The following TTLL12 variants were observed in gnomAD, a reference collection of about 807,000 sequenced individuals.
The protein encoded by TTLL12 is tubulin--tyrosine ligase-like protein 12.
TTLL12 carries 77 observed loss-of-function variants against 79.6 expected under a neutral mutation model. That is an observed-to-expected ratio of 0.97 (90% CI 0.81 to 1.17). The LOEUF (loss-of-function observed/expected upper bound fraction) is 1.17. TTLL12 is among the 50% of genes most tolerant of loss of function. The pLI, the probability that TTLL12 is intolerant of heterozygous loss-of-function variation, is 0.00. For synonymous variants in TTLL12, 437 were observed against 376.1 expected, an observed-to-expected ratio of 1.16 and a Z score of -1.87; for missense variants, 969 against 895.9, an observed-to-expected ratio of 1.08 and a Z score of -1.04.
intron 2 of TTLL12, among the ~76,000 whole-genome samples, chr22:43,182,038 C>G (rs113129890): frequency 7.0e-6 from 1 of 141,894 alleles, no homozygotes; most frequent in Non-Finnish European, 1.5e-5. Context: ...CAGAAAGGCC[C>G]GGAAGCAGGT....
At chr22:43,182,670 C>A (rs1483396490) in intron 2 of TTLL12, among the ~76,000 whole-genome samples, 1 of 152,174 alleles carries the variant, frequency 6.6e-6, no homozygotes, top group Non-Finnish European at 1.5e-5. Flanking sequence ...CTGACCTGCA[C>A]CCTTAACCTG....
intron 5 of TTLL12, among the ~76,000 whole-genome samples, chr22:43,177,679 A>G (rs1349306051): frequency 6.6e-6 from 1 of 152,242 alleles, no homozygotes; most frequent in Admixed American, 6.5e-5. Context: ...AACAGTCAGC[A>G]CCAACACAGC....
chr22:43,181,029 AC>A, intron 2 of TTLL12, 89 bp from the exon 3 acceptor site: 1 of 1,406,198 alleles, frequency 7.1e-7, no homozygotes, highest in Non-Finnish European at 9.6e-7. Context: ...CTGTGTTGGG[AC>A]CAGGGCCCAA....
chr22:43,179,789 C>G, intron 4 of TTLL12, 37 bp from the exon 5 acceptor site: 1 of 1,547,700 alleles, frequency 6.5e-7, no homozygotes, highest in Non-Finnish European at 8.7e-7. Flanking sequence ...GAGGGGGTGA[C>G]GGGACACTGG....
chr22:43,167,388 CTGG>C lies in TTLL12; in HGVS notation c.*617_*619del. ...TGCCAGGACCTCAGCAGGAGGTTTG[CTGG>C]TGAAGGTTCTGGGTGAGCTGGAATG... On this transcript the variant is annotated 3_prime_UTR_variant, in exon 14 of 14. Coordinates refer to ENST00000216129, the MANE Select transcript of TTLL12 (RefSeq NM_015140.4). 3.2e-6 allele frequency: 1 copy of C among 309,376 alleles called. No homozygotes were observed. The highest frequency in any genetic ancestry group is 6.5e-6 in the Non-Finnish European group (1 of 154,466). The allele number at this position is 309,376 out of a possible 1,614,324, so 19.2% of individuals were successfully genotyped here. A position where few individuals can be genotyped will look rare whatever the true frequency, so the allele number is the denominator to read the frequency against.
At position 43,173,792 on chromosome 22, in the gene TTLL12, T is replaced by G. The variant is rs750086919; in HGVS notation, c.1264A>C (p.Asn422His). 1 of 1,604,786 alleles carries G rather than the reference T, an allele frequency of 6.2e-7. No homozygotes were observed. The highest frequency in any genetic ancestry group is 8.5e-7 in the Non-Finnish European group (1 of 1,179,908). Residue 422 changes from asparagine to histidine, a missense_variant, in exon 9 of 14, where the codon AAC (asparagine) becomes CAC (histidine). Asn to His is a moderately conservative substitution (Grantham distance 68, BLOSUM62 1). Coordinates refer to ENST00000216129, the MANE Select transcript of TTLL12 (RefSeq NM_015140.4). The stretch of plus-strand genomic sequence containing the variant: ...TGGGTGTCCAGGCTGCGCGCCAGGT[T>G]CCAGGGCTTGCAGATCCAGTGGTTG... ...EDNHWICKPWNLARSLDTHVT... is the reference protein window; with the variant it reads ...EDNHWICKPWHLARSLDTHVT...
At chr22:43,178,730 G>A (rs972783705) in intron 5 of TTLL12, among the ~76,000 whole-genome samples, 21 of 152,290 alleles carry the variant, frequency 1.4e-4, no homozygotes, top group East Asian at 1.2e-3. Flanking sequence ...TCGCCGTGGG[G>A]GCAAGCCTGC....
chr22:43,171,621 G>A (rs774958375), intron 11 of TTLL12, 198 bp downstream of exon 11: 11 of 553,874 alleles, frequency 2.0e-5, no homozygotes, highest in Non-Finnish European at 2.3e-5. Context: ...GCCGTGGGGA[G>A]ACCTACCTGA....
chr22:43,169,381 G>T, intron 12 of TTLL12, 119 bp downstream of exon 12: 1 of 867,214 alleles, frequency 1.2e-6, no homozygotes, highest in Non-Finnish European at 1.7e-6. Context: ...ATGACCAACT[G>T]CAGGGGACAA....
In TTLL12 at chr22:43,167,317, G is replaced by A. The variant is rs1931641815; in HGVS notation, c.*691C>T. 2 of 402,366 alleles carry A rather than the reference G, an allele frequency of 5.0e-6. No individual in the cohort carries two copies. Among genetic ancestry groups the A allele is most frequent in the Admixed American group, 6.3e-5 (2 of 31,732 alleles). The allele number at this position is 402,366 out of a possible 1,614,324, so 24.9% of individuals were successfully genotyped here. On this transcript the variant is annotated 3_prime_UTR_variant, in exon 14 of 14. Coordinates refer to ENST00000216129, the MANE Select transcript of TTLL12 (RefSeq NM_015140.4). ...TACTGATTTCCCTGTTGGGGTCTGT[G>A]ACCCTCAGCAAACGAAAAGGAAACG...
chr22:43,176,443 G>A (rs1326277150), intron 5 of TTLL12, 47 bp from the exon 6 acceptor site: 3 of 1,509,324 alleles, frequency 2.0e-6, no homozygotes, highest in East Asian at 4.6e-5. Flanking sequence ...AGGAAGGGAG[G>A]GAAAGGCCGG....
At chr22:43,170,190 G>A in intron 11 of TTLL12, 1 of 344,376 alleles carries the variant, frequency 2.9e-6, no homozygotes, top group Non-Finnish European at 5.7e-6. Flanking sequence ...CTCCAGGAGA[G>A]GACTCCCGGG....
At chr22:43,170,473 G>GATTT (rs1262118149) in intron 11 of TTLL12, among the ~76,000 whole-genome samples, 2 of 152,210 alleles carry the variant, frequency 1.3e-5, no homozygotes, top group African/African-American at 4.8e-5. Flanking sequence ...CACGCGCCAT[G>GATTT]ATTTATCATT....
Position 43,179,657 on chromosome 22 carries a change from T to C in TTLL12, c.802A>G (p.Ser268Gly). The C allele has an allele frequency of 6.3e-7, 1 of 1,585,962 alleles. No homozygotes were observed. Among genetic ancestry groups the C allele is most frequent in the Non-Finnish European group, 8.6e-7 (1 of 1,166,036 alleles). ...GCGGGCGGCTCGGGTGTGCAAGAGC[T>C]GAGGTCCAGCATGTCGGTGGGGGCC... ...PWAPTDMLDL[S>G]SCTPEPPAEH... is the part of the protein sequence containing the mutation. The change falls in exon 5 of 14, where the codon AGC becomes GGC. Residue 268 changes from serine to glycine, a missense_variant. Transcript: ENST00000216129.
chr22:43,167,914 G>T lies in TTLL12; in HGVS notation c.*94C>A. The T allele has an allele frequency of 6.0e-6, 9 of 1,491,764 alleles. No individual in the cohort carries two copies. Among genetic ancestry groups the T allele is most frequent in the Non-Finnish European group, 8.2e-6 (9 of 1,094,832 alleles). 92.4% of individuals were successfully genotyped at this position (1,491,764 alleles called of 1,614,324 possible). A position where few individuals can be genotyped will look rare whatever the true frequency, so the allele number is the denominator to read the frequency against. On this transcript the variant is annotated 3_prime_UTR_variant, in exon 14 of 14. Coordinates refer to ENST00000216129, the MANE Select transcript of TTLL12 (RefSeq NM_015140.4). ...GGGGCTGAGGCTATGCCCAGGGCCGGTGTGGGGAGGGACATGGGGGCCTTT... is the reference window on the plus strand; with the variant it reads ...GGGGCTGAGGCTATGCCCAGGGCCGTTGTGGGGAGGGACATGGGGGCCTTT...
rs367813195 is a variant in TTLL12 at position 43,173,842 on chromosome 22, G to T, written c.1230-16C>A. ...GTCCTCGCCCCTGGGGAGCAGAAGGGCTGTCTGGGGGGCGCCTGGGGCCTG... is the reference window on the plus strand; with the variant it reads ...GTCCTCGCCCCTGGGGAGCAGAAGGTCTGTCTGGGGGGCGCCTGGGGCCTG... On this transcript the variant is annotated splice_polypyrimidine_tract_variant and intron_variant, in intron 8 of 13. Coordinates refer to ENST00000216129, the MANE Select transcript of TTLL12 (RefSeq NM_015140.4). 1.3e-6 allele frequency: 2 copies of T among 1,597,660 alleles called. No individual in the cohort carries two copies. The highest frequency in any genetic ancestry group is 1.1e-5 in the South Asian group (1 of 90,712).
intron 3 of TTLL12, 74 bp from the exon 4 acceptor site, chr22:43,180,074 T>G: frequency 6.7e-7 from 1 of 1,485,942 alleles, no homozygotes; most frequent in Non-Finnish European, 9.0e-7. Context: ...AACCCAGACA[T>G]CGACCACCAG....
At chr22:43,172,678 A>C in intron 9 of TTLL12, 124 bp from the exon 10 acceptor site, 1 of 1,069,152 alleles carries the variant, frequency 9.4e-7, no homozygotes, top group Non-Finnish European at 1.3e-6. Context: ...GCCTTTTCAA[A>C]CCTGCCTAAG....
chr22:43,173,433 C>T (rs1403049278), intron 9 of TTLL12, among the ~76,000 whole-genome samples: 2 of 152,200 alleles, frequency 1.3e-5, no homozygotes, highest in African/African-American at 4.8e-5. Flanking sequence ...GCCTTAGCCT[C>T]CTGAGAAGCT....
Sources: gnomAD v4.1 joint callset for allele counts (sites outside exome capture counted in the v4.1 genomes callset) on GRCh38, gnomAD v4.1.1 for gene constraint, MANE v1.5 for transcripts, NCBI Gene and HGNC (gene_info 2026-07-23, HGNC 2026-07-21) for gene names.